ASB15: variants seen among roughly 807,000 people sequenced by gnomAD.
ASB15 encodes ankyrin repeat and SOCS box containing 15.
ASB15 carries 54 observed loss-of-function variants against 58.0 expected under a neutral mutation model. The ratio of observed to expected loss-of-function variants is 0.93; its 90% CI spans 0.75 to 1.17. The LOEUF is 1.17. ASB15 is among the 50% of genes most tolerant of loss of function. The probability of loss-of-function intolerance (pLI) is 0.00; values close to 1 mark genes in which losing one functional copy is unlikely to be tolerated. For synonymous variants in ASB15, 249 were observed against 262.4 expected, an observed-to-expected ratio of 0.95 and a Z score of 0.50; for missense variants, 680 against 707.4, an observed-to-expected ratio of 0.96 and a Z score of 0.44.
intron 1 of ASB15, among the ~76,000 whole-genome samples, chr7:123,580,827 G>T (rs1438474270): frequency 6.6e-6 from 1 of 151,920 alleles, no homozygotes; most frequent in Admixed American, 6.6e-5. Context: ...AATAAACATA[G>T]CCATCATTAT....
intron 3 of ASB15, among the ~76,000 whole-genome samples, chr7:123,612,691 G>T (rs1441561893): frequency 1.3e-5 from 2 of 151,462 alleles, no homozygotes; most frequent in African/African-American, 2.4e-5. Flanking sequence ...TGTTTAGTTG[G>T]AAAAAAAAGA....
intron 2 of ASB15, among the ~76,000 whole-genome samples, chr7:123,605,016 G>A (rs142620219): frequency 1.1e-4 from 17 of 152,052 alleles, no homozygotes; most frequent in African/African-American, 3.9e-4. Flanking sequence ...GAAATCAATG[G>A]CCTGTACATG....
chr7:123,636,755 G>A (rs1802445679), intron 11 of ASB15, 54 bp from the exon 12 acceptor site: 1 of 1,424,618 alleles, frequency 7.0e-7, no homozygotes, highest in Non-Finnish European at 9.7e-7. Flanking sequence ...CATATCTTAG[G>A]GGCCAATCCA....
intron 2 of ASB15, among the ~76,000 whole-genome samples, 160 bp from the exon 3 acceptor site, chr7:123,608,434 A>G (rs1800256553): frequency 6.6e-6 from 1 of 152,152 alleles, no homozygotes. Flanking sequence ...CTTTTTCTAA[A>G]ATGTTGAGTT....
rs1799219983 is a variant in ASB15 at position 123,581,040 on chromosome 7, C to T, written c.-443+13952C>T. ...CCTTCCACTAGATGGTGCTGGCTTT[C>T]TTCAGCTTGTTGCAGTAGAACTGTC... On this transcript the variant is annotated intron_variant, in intron 1 of 13. Transcript: ENST00000451558. 3.3e-5 allele frequency among the ~76,000 whole-genome samples: 5 copies of T among 151,964 alleles called. No individual in the cohort carries two copies. The South Asian group carries it at 8.3e-4, about 25-fold the overall frequency.
upstream of ASB15, among the ~76,000 whole-genome samples, chr7:123,599,664 T>C (rs1013286139): frequency 6.6e-6 from 1 of 152,216 alleles, no homozygotes; most frequent in Non-Finnish European, 1.5e-5. Context: ...CCAAGGACAG[T>C]TCTTCTAACA....
chr7:123,587,025 T>C (rs1799393504), intron 1 of ASB15, among the ~76,000 whole-genome samples: 1 of 151,722 alleles, frequency 6.6e-6, no homozygotes, highest in Non-Finnish European at 1.5e-5. Flanking sequence ...GCTTTGGTCT[T>C]TCTCAAGATT....
intron 11 of ASB15, among the ~76,000 whole-genome samples, chr7:123,631,457 A>G (rs1802111322): frequency 1.3e-5 from 2 of 152,238 alleles, no homozygotes; most frequent in South Asian, 2.1e-4. Context: ...AAGTATTATC[A>G]TGCTTATTTT....
At chr7:123,620,519 T>C (rs1801181549) in intron 7 of ASB15, among the ~76,000 whole-genome samples, 6 of 10,648 alleles carry the variant, frequency 5.6e-4, no homozygotes, top group African/African-American at 7.7e-4. Context: ...TATATATATA[T>C]ATATATATAT....
Position 123,628,848 on chromosome 7 carries a change from G to C in ASB15, c.870-16G>C. On this transcript the variant is annotated splice_polypyrimidine_tract_variant and intron_variant, in intron 9 of 11. Transcript: ENST00000451215. ...TTTTCTTTATGGCAAGTAGATATTT[G>C]ACTTTTTTCTTTTAGTGCACTGAAA... is the stretch of plus-strand genomic sequence containing the variant. 6.9e-7 allele frequency: 1 copy of C among 1,454,324 alleles called. No individual in the cohort carries two copies. 90.1% of individuals were successfully genotyped at this position (1,454,324 alleles called of 1,614,324 possible).
intron 10 of ASB15, 66 bp from the exon 11 acceptor site, chr7:123,629,900 A>G: frequency 9.0e-7 from 1 of 1,113,100 alleles, no homozygotes; most frequent in Non-Finnish European, 1.2e-6. Flanking sequence ...TTTCCATAAC[A>G]CAATTGAGTG....
rs1046474959 is a variant in ASB15 at position 123,639,299 on chromosome 7, C to T, written c.*2318C>T. 6.6e-6 allele frequency: 1 copy of T among 152,044 alleles called. No individual in the cohort carries two copies. The highest frequency in any genetic ancestry group is 2.4e-5 in the African/African-American group (1 of 41,414). 9.4% of individuals were successfully genotyped at this position (152,044 alleles called of 1,614,324 possible). ...GGATATATTTTATATGTAAGTTAAA[C>T]TGTAATGTATTTATATTTAATTGCA... On this transcript the variant is annotated 3_prime_UTR_variant, in exon 12 of 12. Transcript: ENST00000451215.
chr7:123,618,640 A>G (rs185104438), intron 7 of ASB15, among the ~76,000 whole-genome samples: 1 of 152,164 alleles, frequency 6.6e-6, no homozygotes, highest in Admixed American at 6.5e-5. Context: ...GCAGGAGGAG[A>G]GGGAGGAAAG....
At chr7:123,613,452 A>T (rs1259221363) in intron 3 of ASB15, among the ~76,000 whole-genome samples, 1 of 152,218 alleles carries the variant, frequency 6.6e-6, no homozygotes, top group Non-Finnish European at 1.5e-5. Flanking sequence ...TCCTCTCTAA[A>T]TAAAATAAAG....
intron 2 of ASB15, among the ~76,000 whole-genome samples, chr7:123,607,543 G>C (rs1022760052): frequency 6.6e-6 from 1 of 152,058 alleles, no homozygotes; most frequent in African/African-American, 2.4e-5. Context: ...CTGGAGTGAA[G>C]TGGCATGAAC....
chr7:123,609,417 G>T (rs1800320760), intron 3 of ASB15, among the ~76,000 whole-genome samples: 1 of 152,138 alleles, frequency 6.6e-6, no homozygotes, highest in Non-Finnish European at 1.5e-5. Flanking sequence ...AGCCCTAAAG[G>T]ACAGAATCTC....
At position 123,629,075 on chromosome 7, in the gene ASB15, A is replaced by T; in HGVS notation, c.1081A>T (p.Asn361Tyr). 6.2e-7 allele frequency: 1 copy of T among 1,613,622 alleles called. No homozygotes were observed. Among genetic ancestry groups the T allele is most frequent in the Non-Finnish European group, 8.5e-7 (1 of 1,179,644 alleles). Residue 361 changes from asparagine to tyrosine, a missense_variant, in exon 10 of 12, where the codon AAT becomes TAT. By Grantham distance (143) the Asn-to-Tyr change is moderately radical. Coordinates refer to ENST00000451215, the MANE Select transcript of ASB15 (RefSeq NM_001290258.2). The part of the protein sequence containing the change: ...KTALYFGVSN[N>Y]DVHCTEVLLA... ...TGCGCTGTATTTTGGCGTTTCTAATAATGACGTTCATTGCACAGAAGTCCT... is the reference window on the plus strand; with the variant it reads ...TGCGCTGTATTTTGGCGTTTCTAATTATGACGTTCATTGCACAGAAGTCCT...
chr7:123,585,237 A>G (rs1799343707), intron 1 of ASB15, among the ~76,000 whole-genome samples: 1 of 151,722 alleles, frequency 6.6e-6, no homozygotes, highest in Non-Finnish European at 1.5e-5. Context: ...TAATTTTTAA[A>G]TTTCTGAAAA....
chr7:123,573,252 C>T (rs907935946), intron 1 of ASB15, among the ~76,000 whole-genome samples: 11 of 150,240 alleles, frequency 7.3e-5, no homozygotes, highest in African/African-American at 9.8e-5. Flanking sequence ...GCTTCCCCCC[C>T]GCCTCCCCAT....
Sources: gnomAD v4.1 joint callset for allele counts (sites outside exome capture counted in the v4.1 genomes callset) on GRCh38, gnomAD v4.1.1 for gene constraint, MANE v1.5 for transcripts, NCBI Gene and HGNC (gene_info 2026-07-23, HGNC 2026-07-21) for gene names.